The following NAT8L variants were observed in gnomAD, a reference collection of about 807,000 sequenced individuals.
NAT8L encodes the protein N-acetylaspartate synthetase.
Under a neutral mutation model 21.2 loss-of-function variants are expected in NAT8L, and 6 were observed. The observed-to-expected ratio is 0.28, with a 90% CI of 0.16 to 0.56. NAT8L has a LOEUF of 0.56. Among genes scored for constraint, NAT8L ranks in the 20% least tolerant of loss-of-function variants. The pLI is 0.93. For missense variants in NAT8L, 331 were observed against 433.3 expected (o/e 0.76, Z 2.10); for synonymous variants, 239 against 204.9 (o/e 1.17, Z -1.42).
chr4:2,061,234 C>CAGGGCAGGCCTGGGCG, intron 2 of NAT8L, 72 bp downstream of exon 2: 7 of 1,591,672 alleles, frequency 4.4e-6, no homozygotes, highest in Non-Finnish European at 6.0e-6. Flanking sequence ...CCAGCGACCT[C>CAGGGCAGGCCTGGGCG]AGGGCAGGCC....
intron 2 of NAT8L, 69 bp downstream of exon 2, chr4:2,061,231 C>T (rs1296527688): frequency 1.3e-5 from 20 of 1,595,730 alleles, no homozygotes; most frequent in South Asian, 2.3e-5. Flanking sequence ...ACTCCAGCGA[C>T]CTCAGGGCAG....
In NAT8L at chr4:2,064,023, G is replaced by T. The variant is rs748667405; in HGVS notation, c.805G>T (p.Ala269Ser). 4 of 1,611,530 alleles carry T rather than the reference G, an allele frequency of 2.5e-6. No individual in the cohort carries two copies. The highest frequency in any genetic ancestry group is 1.7e-6 in the Non-Finnish European group (2 of 1,179,460). The change falls in exon 3 of 3, where the codon GCC (alanine) becomes TCC (serine). Residue 269 changes from alanine (A) to serine (S), a missense_variant. Ala to Ser is a moderately conservative substitution (Grantham distance 99, BLOSUM62 1). Coordinates refer to ENST00000423729, the MANE Select transcript of NAT8L (RefSeq NM_178557.4). ...YESLGFRHMG[A>S]SDHYVLPGMT... ...GTCGCTGGGCTTCAGACACATGGGC[G>T]CCAGTGACCACTACGTGCTGCCGGG...
rs961646048 is a variant in NAT8L at position 2,067,100 on chromosome 4, C to T, written c.*2973C>T. 3 of 152,458 alleles carry T rather than the reference C, an allele frequency of 2.0e-5. No individual in the cohort carries two copies. Among genetic ancestry groups the T allele is most frequent in the Non-Finnish European group, 4.4e-5 (3 of 68,236 alleles). The allele number at this position is 152,458 out of a possible 1,614,324, so 9.4% of individuals were successfully genotyped here. On this transcript the variant is annotated 3_prime_UTR_variant, in exon 3 of 3. Transcript: ENST00000423729. ...AGGTGTGAGTCGCTGCAGACCTGGT[C>T]CCTGAGGGTGGGAGGCCTGCTTGTG...
At position 2,059,607 on chromosome 4, in the gene NAT8L, C is replaced by T. The variant is rs183901937; in HGVS notation, c.96C>T (p.Leu32=). Residue 32 remains leucine (L), a synonymous_variant, in exon 1 of 3, where the codon CTC becomes CTT. Coordinates refer to ENST00000423729, the MANE Select transcript of NAT8L (RefSeq NM_178557.4). This position sits in a 1 kb window ranked among gnomAD's most constrained non-coding sequence, Gnocchi z 4.8. The part of the protein sequence containing the change: ...ALPGAKKDAL[L]AAAGAMWPPL... The stretch of plus-strand genomic sequence containing the variant: ...CGGGGGCCAAGAAGGACGCGCTGCT[C>T]GCCGCCGCCGGCGCCATGTGGCCCC... 0.022 allele frequency: 21,525 copies of T among 979,798 alleles called. 351 individuals carry two copies. Among genetic ancestry groups the T allele is most frequent in the East Asian group, 0.16 (1,347 of 8,544 alleles). 60.7% of individuals were successfully genotyped at this position (979,798 alleles called of 1,614,324 possible).
At chr4:2,063,574 C>T (rs970072751) in intron 2 of NAT8L, among the ~76,000 whole-genome samples, 186 bp from the exon 3 acceptor site, 1 of 152,188 alleles carries the variant, frequency 6.6e-6, no homozygotes, top group Non-Finnish European at 1.5e-5. Context: ...ATAGTGGCTG[C>T]CCCCTCCCTT....
chr4:2,059,664 G>T lies in NAT8L; in HGVS notation c.153G>T (p.Ala51=). The part of the protein sequence containing the change: ...PLPAAPGPAA[A]PPAPPPAPVA... ...CCGCCGCGCCCGGGCCGGCCGCCGC[G>T]CCCCCCGCGCCCCCACCTGCCCCGG... Residue 51 remains alanine, a synonymous_variant, in exon 1 of 3, where the codon GCG becomes GCT. Coordinates refer to ENST00000423729, the MANE Select transcript of NAT8L (RefSeq NM_178557.4). This position sits in a 1 kb window ranked among gnomAD's most constrained non-coding sequence, Gnocchi z 4.8. 1.0e-6 allele frequency: 1 copy of T among 973,180 alleles called. No individual in the cohort carries two copies. The highest frequency in any genetic ancestry group is 1.8e-5 in the African/African-American group (1 of 55,938). The allele number at this position is 973,180 out of a possible 1,614,324, so 60.3% of individuals were successfully genotyped here. A position where few individuals can be genotyped will look rare whatever the true frequency, so the allele number is the denominator to read the frequency against.
Position 2,060,994 on chromosome 4 carries a change from C to G in NAT8L, c.377-4C>G, listed in dbSNP as rs1489613789. 3 of 1,513,704 alleles carry G rather than the reference C, an allele frequency of 2.0e-6. No homozygotes were observed. The highest frequency in any genetic ancestry group is 1.8e-6 in the Non-Finnish European group (2 of 1,114,864). 93.8% of individuals were successfully genotyped at this position (1,513,704 alleles called of 1,614,324 possible). ...CGCCGCTGACCCGCGCCCTCTGCCC[C>G]CAGCGCTGTGCTTCGCCGTGAGCCG... On this transcript the variant is annotated splice_region_variant and splice_polypyrimidine_tract_variant and intron_variant, in intron 1 of 2. Coordinates refer to ENST00000423729, the MANE Select transcript of NAT8L (RefSeq NM_178557.4). This position sits in a 1 kb window ranked among gnomAD's most constrained non-coding sequence, Gnocchi z 4.7.
rs1193134298 is a variant in NAT8L, at chr4:2,065,223, T to G, written c.*1096T>G. ...TGGAAACCTGGAGGGAAACCCTGAT[T>G]GGATGTCATTTCCTGCCATGGAGCA... On this transcript the variant is annotated 3_prime_UTR_variant, in exon 3 of 3. Transcript: ENST00000423729. The G allele has an allele frequency of 6.6e-6, 1 of 152,062 alleles. No homozygotes were observed. The highest frequency in any genetic ancestry group is 1.5e-5 in the Non-Finnish European group (1 of 68,012). 9.4% of individuals were successfully genotyped at this position (152,062 alleles called of 1,614,324 possible).
At position 2,060,147 on chromosome 4, in the gene NAT8L, CT is replaced by C. The variant is rs1361906088; in HGVS notation, c.376+261del. Among the ~76,000 whole-genome samples the C allele has an allele frequency of 5.3e-5, 8 of 152,100 alleles. No homozygotes were observed. The highest frequency in any genetic ancestry group is 2.0e-4 in the Admixed American group (3 of 15,286). ...CAGCCCCCCACCCCCACCGCCTCCC[CT>C]GTCCCCTCCCGGGCATCCTGGGTGG... is the stretch of plus-strand genomic sequence containing the variant. On this transcript the variant is annotated intron_variant, in intron 1 of 2. Coordinates refer to ENST00000423729, the MANE Select transcript of NAT8L (RefSeq NM_178557.4). This position sits in a 1 kb window ranked among gnomAD's most constrained non-coding sequence, Gnocchi z 4.7.
chr4:2,063,736 C>G, intron 2 of NAT8L, 24 bp from the exon 3 acceptor site: 1 of 1,608,716 alleles, frequency 6.2e-7, no homozygotes, highest in Non-Finnish European at 8.5e-7. Flanking sequence ...CACCGGGTGT[C>G]CCTGACCGCC....
rs1218919561 is a variant in NAT8L, at chr4:2,059,472, C to G, written c.-40C>G. Reference sequence around the variant, plus strand: ...CTGGGCCCGGCCGTGCCCGCCGCCGCCCGGCCGCGTCCCCGCTGCCGCGCC... The same window carrying G: ...CTGGGCCCGGCCGTGCCCGCCGCCGGCCGGCCGCGTCCCCGCTGCCGCGCC... On this transcript the variant is annotated 5_prime_UTR_variant, in exon 1 of 3. Transcript: ENST00000423729. The surrounding 1 kb of genome is among the most constrained non-coding windows in gnomAD (Gnocchi z 4.8). The G allele has an allele frequency of 1.1e-6, 1 of 943,030 alleles. No individual in the cohort carries two copies. The highest frequency in any genetic ancestry group is 1.8e-5 in the African/African-American group (1 of 55,444). The allele number at this position is 943,030 out of a possible 1,614,324, so 58.4% of individuals were successfully genotyped here. A position where few individuals can be genotyped will look rare whatever the true frequency, so the allele number is the denominator to read the frequency against.
At chr4:2,062,435 T>TCC (rs1729911302) in intron 2 of NAT8L, among the ~76,000 whole-genome samples, 1 of 151,382 alleles carries the variant, frequency 6.6e-6, no homozygotes, top group African/African-American at 2.4e-5. Context: ...TGGTCCAGGA[T>TCC]CCCCTCCTTG....
chr4:2,062,933 G>T (rs377358400), intron 2 of NAT8L, among the ~76,000 whole-genome samples: 1 of 152,184 alleles, frequency 6.6e-6, no homozygotes, highest in East Asian at 1.9e-4. Context: ...TTCCCCTGTG[G>T]CCAGTGCCTG....
At chr4:2,063,681 G>T in intron 2 of NAT8L, 79 bp from the exon 3 acceptor site, 1 of 1,597,342 alleles carries the variant, frequency 6.3e-7, no homozygotes, top group South Asian at 1.1e-5. Context: ...CAGTGCCAAG[G>T]GCCCTGTCTC....
chr4:2,061,347 C>T (rs1250963491), intron 2 of NAT8L, among the ~76,000 whole-genome samples, 185 bp downstream of exon 2: 1 of 152,216 alleles, frequency 6.6e-6, no homozygotes, highest in Admixed American at 6.5e-5. Flanking sequence ...GGAGGCACGG[C>T]CGGTTCCTCC....
rs1298733009 is a variant in NAT8L, at chr4:2,068,125, A to AGC, written c.*4000_*4001dup. The AGC allele has an allele frequency of 2.1e-5, 1 of 47,934 alleles. No individual in the cohort carries two copies. Among genetic ancestry groups the AGC allele is most frequent in the East Asian group, 3.9e-4 (1 of 2,590 alleles). 3.0% of individuals were successfully genotyped at this position (47,934 alleles called of 1,614,324 possible). On this transcript the variant is annotated 3_prime_UTR_variant, in exon 3 of 3. Transcript: ENST00000423729. ...GTGTGTGTGCATGTGCACGTGTTTG[A>AGC]GCGTGTGTGTGTGTGCAAGTGGGTT...
Position 2,063,809 on chromosome 4 carries a change from G to A in NAT8L, c.591G>A (p.Val197=). 4 of 1,612,378 alleles carry A rather than the reference G, an allele frequency of 2.5e-6. No homozygotes were observed. The highest frequency in any genetic ancestry group is 3.4e-6 in the Non-Finnish European group (4 of 1,179,978). The change falls in exon 3 of 3, where the codon GTG becomes GTA. Residue 197 remains valine (V), a synonymous_variant. Transcript: ENST00000423729. ...TGGATGGCAACGTGGTGGGCATTGT[G>A]GCTGCACGGGCCCACGAGGAGGACA... ...AVLDGNVVGI[V]AARAHEEDNT...
intron 2 of NAT8L, 51 bp downstream of exon 2, chr4:2,061,213 G>A (rs1232945251): frequency 6.2e-7 from 1 of 1,605,340 alleles, no homozygotes; most frequent in South Asian, 1.1e-5. Context: ...CAGCCCTCGG[G>A]GGCACGCACT....
In NAT8L at chr4:2,060,098, G is replaced by A. The variant is rs994039465; in HGVS notation, c.376+211G>A. ...GGGCCGGAGCCGGGGAGGGTCCGGGGTCCGCACCTGCGTCCCCGCCGCGCA... is the reference window on the plus strand; with the variant it reads ...GGGCCGGAGCCGGGGAGGGTCCGGGATCCGCACCTGCGTCCCCGCCGCGCA... On this transcript the variant is annotated intron_variant, in intron 1 of 2. Coordinates refer to ENST00000423729, the MANE Select transcript of NAT8L (RefSeq NM_178557.4). The surrounding 1 kb of genome is among the most constrained non-coding windows in gnomAD (Gnocchi z 4.7). Among the ~76,000 whole-genome samples, 4 of 151,884 alleles carry A rather than the reference G, an allele frequency of 2.6e-5. No individual in the cohort carries two copies. The highest frequency in any genetic ancestry group is 5.9e-5 in the Non-Finnish European group (4 of 67,912).
Sources: gnomAD v4.1 joint callset for allele counts (sites outside exome capture counted in the v4.1 genomes callset) on GRCh38, gnomAD v4.1.1 for gene constraint, Gnocchi (gnomAD v3.1) non-coding constraint, MANE v1.5 for transcripts, NCBI Gene and HGNC (gene_info 2026-07-23, HGNC 2026-07-21) for gene names.